Variants in ADGRL2 observed in about 807,000 individuals in gnomAD.
ADGRL2 encodes the protein adhesion G protein-coupled receptor L2.
ADGRL2 carries 44 observed loss-of-function variants against 157.4 expected under a neutral mutation model. That is an observed-to-expected ratio of 0.28 (90% confidence interval 0.22 to 0.36). The LOEUF (loss-of-function observed/expected upper bound fraction) is 0.36. Ranked by LOEUF, ADGRL2 falls within the 10% of genes least tolerant of loss-of-function variation. The pLI is 1.00. For synonymous variants in ADGRL2, 585 were observed against 624.7 expected (o/e 0.94, Z 0.95); for missense variants, 1,510 against 1,768.9 (o/e 0.85, Z 2.63).
chr1:81,893,911 A>G (rs1297665524), intron 2 of ADGRL2, among the ~76,000 whole-genome samples: 1 of 152,220 alleles, frequency 6.6e-6, no homozygotes, highest in African/African-American at 2.4e-5. Flanking sequence ...AAACCTCAAT[A>G]GCAAACACAA....
chr1:81,935,476 T>C (rs1380080081), intron 3 of ADGRL2, among the ~76,000 whole-genome samples: 1 of 151,958 alleles, frequency 6.6e-6, no homozygotes, highest in Non-Finnish European at 1.5e-5. Context: ...TAGTTTTGAG[T>C]TGAAATGGCA....
At chr1:81,893,580 G>C (rs2094317874) in intron 2 of ADGRL2, among the ~76,000 whole-genome samples, 1 of 152,096 alleles carries the variant, frequency 6.6e-6, no homozygotes. Flanking sequence ...TGTTTCCTCT[G>C]CATTGTTGGT....
At chr1:81,578,267 A>G (rs1189806452) in intron 2 of ADGRL2, among the ~76,000 whole-genome samples, 2 of 152,174 alleles carry the variant, frequency 1.3e-5, no homozygotes, top group South Asian at 2.1e-4. Flanking sequence ...AGGTATAGGA[A>G]GATCAGAGAG....
intron 3 of ADGRL2, among the ~76,000 whole-genome samples, chr1:81,651,719 TTTTGTTTG>T (rs936180306): frequency 2.0e-5 from 3 of 152,066 alleles, no homozygotes; most frequent in African/African-American, 7.2e-5. Flanking sequence ...AACCAGGAGA[TTTTGTTTG>T]TTTGTTTGTT....
intron 11 of ADGRL2, among the ~76,000 whole-genome samples, chr1:81,964,183 G>T (rs1252223291): frequency 1.3e-5 from 2 of 151,816 alleles, no homozygotes; most frequent in Admixed American, 6.6e-5. Context: ...GTAAATTTCT[G>T]TTTAATGAAA....
intron 3 of ADGRL2, among the ~76,000 whole-genome samples, chr1:81,595,767 A>T (rs2148609380): frequency 6.6e-6 from 1 of 152,352 alleles, no homozygotes; most frequent in African/African-American, 2.4e-5. Context: ...CTATTAAATA[A>T]TAGTTCTATA....
chr1:81,729,910 A>C (rs1216808479), intron 1 of ADGRL2, among the ~76,000 whole-genome samples: 2 of 152,184 alleles, frequency 1.3e-5, no homozygotes, highest in Non-Finnish European at 2.9e-5. Flanking sequence ...TCCTATTCAG[A>C]TATATCCTCA....
intron 3 of ADGRL2, among the ~76,000 whole-genome samples, chr1:81,669,226 T>C (rs1433815492): frequency 6.6e-6 from 1 of 152,066 alleles, no homozygotes; most frequent in Non-Finnish European, 1.5e-5. Flanking sequence ...TCTAGTAAGT[T>C]CCTGTAAATT....
intron 2 of ADGRL2, among the ~76,000 whole-genome samples, chr1:81,535,594 A>G (rs1283147886): frequency 6.6e-6 from 1 of 152,162 alleles, no homozygotes; most frequent in Non-Finnish European, 1.5e-5. Flanking sequence ...TGGAAGAATA[A>G]TAAGAGGAAA....
At position 81,767,677 on chromosome 1, in the gene ADGRL2, G is replaced by A. The variant is rs552284765; in HGVS notation, c.-101+5825G>A. ...ACTTAAATCCAGGAGTTCGAGATCA[G>A]CCTGGGCAACATGGTGAAACCCCAT... On this transcript the variant is annotated intron_variant, in intron 2 of 20. Transcript: ENST00000359929. Among the ~76,000 whole-genome samples, 370 of 151,970 alleles carry A rather than the reference G, an allele frequency of 2.4e-3. 7 individuals are homozygous for A. The South Asian group carries it at 0.041, about 17-fold the overall frequency.
intron 3 of ADGRL2, among the ~76,000 whole-genome samples, chr1:81,640,042 T>C (rs947867177): frequency 6.6e-6 from 1 of 152,172 alleles, no homozygotes; most frequent in Non-Finnish European, 1.5e-5. Context: ...CTAAGGAACA[T>C]ATTTCAAACT....
chr1:81,662,301 G>C (rs1231251477), intron 3 of ADGRL2, among the ~76,000 whole-genome samples: 1 of 148,690 alleles, frequency 6.7e-6, no homozygotes, highest in Non-Finnish European at 1.5e-5. Flanking sequence ...TGTCACCTAG[G>C]CTGGAGTGCA....
chr1:81,804,194 T>G (rs2088761821), intron 1 of ADGRL2, among the ~76,000 whole-genome samples: 1 of 152,228 alleles, frequency 6.6e-6, no homozygotes, highest in African/African-American at 2.4e-5. Context: ...TTTACTTCTG[T>G]CCAGGTGTGT....
At chr1:81,875,744 T>A (rs887507720) in intron 2 of ADGRL2, among the ~76,000 whole-genome samples, 1 of 152,126 alleles carries the variant, frequency 6.6e-6, no homozygotes, top group African/African-American at 2.4e-5. Context: ...GGGCTTAGGG[T>A]TTATGTGTGA....
At chr1:81,365,244 T>C (rs1266712467) in intron 1 of ADGRL2, among the ~76,000 whole-genome samples, 2 of 152,134 alleles carry the variant, frequency 1.3e-5, no homozygotes, top group East Asian at 1.9e-4. Context: ...AATTGGAAGA[T>C]GAAATGGTGG....
At chr1:81,348,398 C>G (rs1297032866) in intron 1 of ADGRL2, among the ~76,000 whole-genome samples, 1 of 152,132 alleles carries the variant, frequency 6.6e-6, no homozygotes, top group East Asian at 1.9e-4. Context: ...TGACAGTAGC[C>G]TTTCTCCTTC....
At chr1:81,842,366 T>C (rs185359966) in intron 2 of ADGRL2, among the ~76,000 whole-genome samples, 1 of 136,804 alleles carries the variant, frequency 7.3e-6, no homozygotes, top group East Asian at 2.1e-4. Context: ...TTTTTTTTTT[T>C]TTTTTTTTTA....
At chr1:81,748,875 C>A (rs1452529935) in intron 1 of ADGRL2, among the ~76,000 whole-genome samples, 1 of 151,906 alleles carries the variant, frequency 6.6e-6, no homozygotes, top group Non-Finnish European at 1.5e-5. Flanking sequence ...ACCATGTTGG[C>A]CAGGCTGATC....
At chr1:81,884,556 CAT>C (rs1355586184) in intron 2 of ADGRL2, among the ~76,000 whole-genome samples, 1 of 152,126 alleles carries the variant, frequency 6.6e-6, no homozygotes, top group African/African-American at 2.4e-5. Context: ...TCTGACTAAA[CAT>C]ATATTGAACA....
Sources: gnomAD v4.1 joint callset for allele counts (sites outside exome capture counted in the v4.1 genomes callset) on GRCh38, gnomAD v4.1.1 for gene constraint, MANE v1.5 for transcripts, NCBI Gene and HGNC (gene_info 2026-07-23, HGNC 2026-07-21) for gene names.